Variants in LZTR1 observed in about 807,000 individuals in gnomAD.
LZTR1 encodes leucine zipper like post translational regulator 1, also known as leucine-zipper-like transcriptional regulator 1.
LZTR1 carries 260 observed loss-of-function variants against 105.7 expected under a neutral mutation model. The ratio of observed to expected loss-of-function variants is 2.46; its 90% CI spans 2.22 to 2.72. LZTR1 has a LOEUF of 2.72. LZTR1 is among the 30% of genes most tolerant of loss of function. LZTR1 has a pLI of 0.00. For missense variants in LZTR1, 1,214 were observed against 1,166.9 expected, an observed-to-expected ratio of 1.04 and a Z score of -0.59; for synonymous variants, 490 against 476.4, an observed-to-expected ratio of 1.03 and a Z score of -0.37.
chr22:20,988,457 A>C (rs1569154836), intron 5 of LZTR1, among the ~76,000 whole-genome samples: 1 of 152,166 alleles, frequency 6.6e-6, no homozygotes, highest in Non-Finnish European at 1.5e-5. Flanking sequence ...GAGACAGAAC[A>C]AGACCTTGTC....
rs1417884903 is a variant in LZTR1, at chr22:20,994,669, T to G, written c.1727T>G (p.Leu576Arg). ...CRQYIEASVD[L>R]QNVLVVCESA... ...CAGTACATCGAGGCCTCCGTGGACC[T>G]GCAGAACGTGCTGGTTGTGTGCGAG... is the stretch of plus-strand genomic sequence containing the variant. Residue 576 changes from leucine (L) to arginine (R), a missense_variant, in exon 15 of 21, where the codon CTG (leucine) becomes CGG (arginine). Leu to Arg is a moderately radical substitution (Grantham distance 102). Transcript: ENST00000646124. 6.2e-7 allele frequency: 1 copy of G among 1,612,880 alleles called. No individual in the cohort carries two copies. The highest frequency in any genetic ancestry group is 8.5e-7 in the Non-Finnish European group (1 of 1,179,992).
At chr22:20,993,454 C>T (rs776270335) in intron 11 of LZTR1, 8 of 594,686 alleles carry the variant, frequency 1.3e-5, no homozygotes, top group African/African-American at 5.6e-5. Flanking sequence ...TGGAGCCGGC[C>T]GTGGACAGTT....
chr22:20,994,147 G>C lies in LZTR1; in HGVS notation c.1493G>C (p.Gly498Ala). ...EAAPVPREAP[G>A]VAAGGARPPL... ...GCCCCAGTTCCCAGGGAGGCCCCCG[G>C]CGTGGCTGCTGGTGGGGCCCGGCCG... The change falls in exon 14 of 21, where the codon GGC becomes GCC. Residue 498 changes from glycine to alanine, a missense_variant. By Grantham distance (60) the Gly-to-Ala change is moderately conservative (BLOSUM62 0). Coordinates refer to ENST00000646124, the MANE Select transcript of LZTR1 (RefSeq NM_006767.4). The C allele has an allele frequency of 6.3e-7, 1 of 1,594,560 alleles. No individual in the cohort carries two copies. Among genetic ancestry groups the C allele is most frequent in the South Asian group, 1.1e-5 (1 of 89,540 alleles).
rs778909787 is a variant in LZTR1, at chr22:20,996,876, G to A, written c.2326-10G>A. On this transcript the variant is annotated splice_polypyrimidine_tract_variant and intron_variant, in intron 19 of 20. Transcript: ENST00000646124. ...AAAGGGGCAGCGCCTCAAGGTCCCT[G>A]CCATTGCAGATCCTGGAGGCAGCTG... 1.5e-5 allele frequency: 24 copies of A among 1,612,152 alleles called. No homozygotes were observed. The highest frequency in any genetic ancestry group is 1.7e-5 in the Non-Finnish European group (20 of 1,178,878).
intron 16 of LZTR1, chr22:20,995,392 C>T (rs763900083): frequency 9.8e-6 from 6 of 611,254 alleles, no homozygotes; most frequent in African/African-American, 1.8e-5. Context: ...CCAGCTCTCC[C>T]TGGGGCTTGT....
At position 20,996,723 on chromosome 22, in the gene LZTR1, C is replaced by G; in HGVS notation, c.2247C>G (p.Tyr749Ter). ...ACTTGTTTGCGGCCCCCTACTACTA[C>G]GGCTTCTACAACAACCGGCTGCAGG... ...SLYLFAAPYY[Y>*]GFYNNRLQAY... The change falls in exon 19 of 21, where the codon TAC (tyrosine) becomes TAG (stop). Residue 749 changes from tyrosine (Y) to a stop codon, truncating the protein, a stop_gained. Coordinates refer to ENST00000646124, the MANE Select transcript of LZTR1 (RefSeq NM_006767.4). LOFTEE classifies it high-confidence loss of function. 5 of 1,613,576 alleles carry G rather than the reference C, an allele frequency of 3.1e-6. No homozygotes were observed. Among genetic ancestry groups the G allele is most frequent in the South Asian group, 1.1e-5 (1 of 91,072 alleles).
Position 20,994,109 on chromosome 22 carries a change from G to A in LZTR1, c.1455G>A (p.Leu485=), listed in dbSNP as rs752598797. 2.5e-6 allele frequency: 4 copies of A among 1,578,910 alleles called. No homozygotes were observed. The Admixed American group carries it at 7.2e-5, about 28-fold the overall frequency. ...GAGCTCCCTTCTCCCCACAGAAGCTGGAGCAGGAGGCCGCCCCAGTTCCCA... is the reference window on the plus strand; with the variant it reads ...GAGCTCCCTTCTCCCCACAGAAGCTAGAGCAGGAGGCCGCCCCAGTTCCCA... ...TQARERLAQK[L]EQEAAPVPRE... is the part of the protein sequence containing the mutation. Residue 485 remains leucine (L), a synonymous_variant, in exon 14 of 21, where the codon CTG becomes CTA. Transcript: ENST00000646124.
chr22:20,994,424 C>A, intron 14 of LZTR1, 134 bp from the exon 15 acceptor site: 2 of 1,246,024 alleles, frequency 1.6e-6, no homozygotes, highest in Non-Finnish European at 1.1e-6. Flanking sequence ...TGCAGCTGGA[C>A]GCCATCTGAG....
rs1359992200 is a variant in LZTR1, at chr22:20,996,724, G to A, written c.2248G>A (p.Gly750Ser). 17 of 1,613,332 alleles carry A rather than the reference G, an allele frequency of 1.1e-5. No homozygotes were observed. Among genetic ancestry groups the A allele is most frequent in the African/African-American group, 2.7e-5 (2 of 74,822 alleles). Residue 750 changes from glycine to serine, a missense_variant, in exon 19 of 21, where the codon GGC becomes AGC. Transcript: ENST00000646124. ...LYLFAAPYYY[G>S]FYNNRLQAYC... ...CTTGTTTGCGGCCCCCTACTACTAC[G>A]GCTTCTACAACAACCGGCTGCAGGC...
intron 16 of LZTR1, 25 bp downstream of exon 16, chr22:20,995,051 T>G: frequency 1.3e-6 from 2 of 1,590,714 alleles, no homozygotes; most frequent in South Asian, 2.2e-5. Flanking sequence ...TCCCCTTCCC[T>G]GGGGGCTGGG....
At position 20,992,832 on chromosome 22, in the gene LZTR1, CT is replaced by C; in HGVS notation, c.1189del (p.Ser397ArgfsTer64). Reference sequence around the variant, plus strand: ...GGCTCTTCCACGCGGCTGCTGTCATCTCGGACGCCATGTACATCTTCGGGGG... The same window carrying C: ...GGCTCTTCCACGCGGCTGCTGTCATCCGGACGCCATGTACATCTTCGGGGG... ...GRLFHAAAVISDAMYIFGGTV... is the reference protein window; with the variant it reads ...GRLFHAAAVIXDAMYIFGGTV... On this transcript the variant is annotated frameshift_variant, in exon 11 of 21. Transcript: ENST00000646124. LOFTEE classifies it high-confidence loss of function. The C allele has an allele frequency of 1.2e-6, 2 of 1,608,866 alleles. No individual in the cohort carries two copies. The highest frequency in any genetic ancestry group is 1.7e-6 in the Non-Finnish European group (2 of 1,177,790).
chr22:20,982,882 G>T, intron 1 of LZTR1, 145 bp from the exon 2 acceptor site: 1 of 697,524 alleles, frequency 1.4e-6, no homozygotes, highest in Non-Finnish European at 2.5e-6. Context: ...CTTGCAGGAT[G>T]ATTGGTGTTA....
chr22:20,992,505 A>G (rs1238836855), intron 10 of LZTR1, 136 bp downstream of exon 10: 13 of 1,036,658 alleles, frequency 1.3e-5, no homozygotes, highest in Non-Finnish European at 1.8e-5. Context: ...GTACAGGGCC[A>G]AGGGCCCTCA....
intron 2 of LZTR1, 140 bp from the exon 3 acceptor site, chr22:20,985,701 A>G: frequency 1.4e-6 from 1 of 692,570 alleles, no homozygotes; most frequent in Admixed American, 2.2e-5. Flanking sequence ...GTTCTTGGGC[A>G]TCAGCTGGTT....
intron 18 of LZTR1, 133 bp from the exon 19 acceptor site, chr22:20,996,563 A>T: frequency 2.9e-6 from 2 of 681,476 alleles, no homozygotes; most frequent in Non-Finnish European, 5.2e-6. Flanking sequence ...TTGACCCACT[A>T]AGTAGTTCAG....
At position 20,990,376 on chromosome 22, in the gene LZTR1, C is replaced by A. The variant is rs200169897; in HGVS notation, c.652-10C>A. 5.0e-4 allele frequency: 812 copies of A among 1,613,990 alleles called. 4 individuals carry two copies. The highest frequency in any genetic ancestry group is 9.9e-4 in the Middle Eastern group (6 of 6,034). On this transcript the variant is annotated splice_polypyrimidine_tract_variant and intron_variant, in intron 7 of 20. Coordinates refer to ENST00000646124, the MANE Select transcript of LZTR1 (RefSeq NM_006767.4). ...TGAGGCCGGGGCTGAGCTGTCCTCT[C>A]CCCCTGCAGGTGGCCCAGAGTGGCG... is the stretch of plus-strand genomic sequence containing the variant.
chr22:20,994,257 T>C lies in LZTR1; in HGVS notation c.1603T>C (p.Tyr535His). ...GTTCCTCTACACCGACAAGATCAAA[T>C]ACCCACGGAAAGGTCCGCCTGGGTG... ...MQFLYTDKIK[Y>H]PRKGHVEDVL... is the part of the protein sequence containing the mutation. Residue 535 changes from tyrosine to histidine, a missense_variant, in exon 14 of 21, where the codon TAC becomes CAC. Transcript: ENST00000646124. 6.3e-7 allele frequency: 1 copy of C among 1,598,422 alleles called. No individual in the cohort carries two copies. Among genetic ancestry groups the C allele is most frequent in the Non-Finnish European group, 8.5e-7 (1 of 1,179,448 alleles).
Position 20,992,915 on chromosome 22 carries a change from T to C in LZTR1, c.1260+11T>C. 6.4e-7 allele frequency: 1 copy of C among 1,555,740 alleles called. No homozygotes were observed. Among genetic ancestry groups the C allele is most frequent in the East Asian group, 2.3e-5 (1 of 43,346 alleles). On this transcript the variant is annotated intron_variant, in intron 11 of 20. Coordinates refer to ENST00000646124, the MANE Select transcript of LZTR1 (RefSeq NM_006767.4). ...ATGTACAGGTTCCAGGTGTGGGGCC[T>C]GTGGGCCTGTAGAGCCGGCTGGGTG...
intron 1 of LZTR1, 91 bp downstream of exon 1, chr22:20,982,662 C>A (rs1924239995): frequency 7.7e-7 from 1 of 1,293,874 alleles, no homozygotes; most frequent in Non-Finnish European, 1.1e-6. Flanking sequence ...GGGGTGGTGT[C>A]CTGGGGTAGG....
Sources: gnomAD v4.1 joint callset for allele counts (sites outside exome capture counted in the v4.1 genomes callset) on GRCh38, gnomAD v4.1.1 for gene constraint, MANE v1.5 for transcripts, NCBI Gene and HGNC (gene_info 2026-07-23, HGNC 2026-07-21) for gene names.